The following EAF2 variants were observed in gnomAD, a reference collection of about 807,000 sequenced individuals.
EAF2 encodes the protein ELL-associated factor 2.
Under a neutral mutation model 29.4 loss-of-function variants are expected in EAF2, and 29 were observed. The ratio of observed to expected loss-of-function variants is 0.99; its 90% CI spans 0.73 to 1.35. The LOEUF (loss-of-function observed/expected upper bound fraction) is 1.35, where lower values mean the gene tolerates loss of function less well. Ranked by LOEUF, EAF2 falls within the 40% of genes most tolerant of loss-of-function variation. EAF2 has a pLI of 0.00. For missense variants in EAF2, 292 were observed against 312.0 expected, an observed-to-expected ratio of 0.94 and a Z score of 0.48; for synonymous variants, 103 against 102.5, an observed-to-expected ratio of 1.00 and a Z score of -0.03.
chr3:121,851,033 A>G (rs1253112283), intron 2 of EAF2, among the ~76,000 whole-genome samples: 2 of 152,180 alleles, frequency 1.3e-5, no homozygotes, highest in African/African-American at 4.8e-5. Context: ...AGTTAAGTAT[A>G]TATAAATAGC....
Position 121,854,729 on chromosome 3 carries a change from C to T in EAF2, c.244C>T (p.Pro82Ser). The change falls in exon 3 of 6, where the codon CCT (proline) becomes TCT (serine). Residue 82 changes from proline to serine, a missense_variant. Physicochemically the swap from Pro to Ser is moderately conservative, Grantham distance 74 (BLOSUM62 -1). Coordinates refer to ENST00000273668, the MANE Select transcript of EAF2 (RefSeq NM_018456.6). ...AACTGTTTTCAAAGGTTCAAAAAAA[C>T]CTTACTTAAAAGAATGCATTTTGAT... ...PVTVFKGSKKPYLKECILIIN... is the reference protein window; with the variant it reads ...PVTVFKGSKKSYLKECILIIN... 6.4e-7 allele frequency: 1 copy of T among 1,562,330 alleles called. No homozygotes were observed. The highest frequency in any genetic ancestry group is 8.6e-7 in the Non-Finnish European group (1 of 1,165,642).
chr3:121,870,311 A>C lies in EAF2; in HGVS notation c.485-2226A>C, dbSNP rs1708989792. ...ATTAGCAAATTGAATCCAACATTGT[A>C]TAACAATAATTATGCAACATGAACA... On this transcript the variant is annotated intron_variant, in intron 4 of 5. Coordinates refer to ENST00000273668, the MANE Select transcript of EAF2 (RefSeq NM_018456.6). 2.0e-5 allele frequency among the ~76,000 whole-genome samples: 3 copies of C among 152,220 alleles called. No homozygotes were observed. In the South Asian group the frequency reaches 6.2e-4, roughly 31 times the overall value.
intron 1 of EAF2, among the ~76,000 whole-genome samples, chr3:121,842,935 C>T (rs1054049795): frequency 6.6e-6 from 1 of 152,102 alleles, no homozygotes; most frequent in African/African-American, 2.4e-5. Context: ...GTTATACTTT[C>T]TAGGGATATA....
chr3:121,841,718 TA>T (rs966674348), intron 1 of EAF2, among the ~76,000 whole-genome samples: 1 of 147,394 alleles, frequency 6.8e-6, no homozygotes, highest in Admixed American at 6.7e-5. Context: ...ACTAAAAATA[TA>T]AAAAATAAGG....
intron 5 of EAF2, among the ~76,000 whole-genome samples, chr3:121,877,867 G>A (rs1709127919): frequency 6.6e-6 from 1 of 151,880 alleles, no homozygotes; most frequent in Non-Finnish European, 1.5e-5. Flanking sequence ...CTACAGCCTC[G>A]AACTCAGGGG....
chr3:121,874,451 T>C (rs571922665), intron 5 of EAF2, among the ~76,000 whole-genome samples: 1 of 151,820 alleles, frequency 6.6e-6, no homozygotes, highest in Non-Finnish European at 1.5e-5. Flanking sequence ...GAGTAAAAGC[T>C]AGAAAAAATT....
chr3:121,854,330 A>AAAT (rs1009579032), intron 2 of EAF2, among the ~76,000 whole-genome samples: 2 of 151,526 alleles, frequency 1.3e-5, no homozygotes, highest in African/African-American at 2.4e-5. Context: ...AAAAAAAAAA[A>AAAT]AAAAGGAGGA....
chr3:121,874,027 G>T (rs369592020), intron 5 of EAF2, among the ~76,000 whole-genome samples: 4 of 151,896 alleles, frequency 2.6e-5, no homozygotes, highest in East Asian at 1.9e-4. Flanking sequence ...CAAGGACCTT[G>T]TTTGTTTTTG....
chr3:121,851,723 T>G (rs1387179702), intron 2 of EAF2, among the ~76,000 whole-genome samples: 1 of 151,024 alleles, frequency 6.6e-6, no homozygotes, highest in Admixed American at 6.6e-5. Context: ...CGATTAGATT[T>G]GCCTGCTCAC....
chr3:121,842,948 G>A (rs1708461262), intron 1 of EAF2, among the ~76,000 whole-genome samples: 1 of 151,968 alleles, frequency 6.6e-6, no homozygotes, highest in African/African-American at 2.4e-5. Context: ...GGGATATACT[G>A]TAAATCAAAA....
At chr3:121,871,169 T>A (rs1428007202) in intron 4 of EAF2, among the ~76,000 whole-genome samples, 1 of 151,354 alleles carries the variant, frequency 6.6e-6, no homozygotes, top group Non-Finnish European at 1.5e-5. Context: ...GTGGTATATT[T>A]ATATAATATA....
At chr3:121,840,255 G>A (rs1214924978) in intron 1 of EAF2, among the ~76,000 whole-genome samples, 3 of 149,960 alleles carry the variant, frequency 2.0e-5, no homozygotes, top group African/African-American at 7.4e-5. Context: ...CACTTTCGGA[G>A]GCTGAGGCGG....
chr3:121,869,496 A>T lies in EAF2; in HGVS notation c.485-3041A>T, dbSNP rs537548766. 5.3e-5 allele frequency among the ~76,000 whole-genome samples: 8 copies of T among 152,336 alleles called. No individual in the cohort carries two copies. The South Asian group carries it at 1.4e-3, about 28-fold the overall frequency. On this transcript the variant is annotated intron_variant, in intron 4 of 5. Coordinates refer to ENST00000273668, the MANE Select transcript of EAF2 (RefSeq NM_018456.6). ...GAAAAGACAGAAGGCACAAATTACG[A>T]ATATCAGGAATGTAAAGTACAACTT... is the stretch of plus-strand genomic sequence containing the variant.
rs1439391291 is a variant in EAF2 at position 121,872,552 on chromosome 3, C to T, written c.500C>T (p.Ala167Val). The stretch of plus-strand genomic sequence containing the variant: ...TTATTTTCAGAACTGAAGGCAGAAG[C>T]TAGTCTAATGGACCAGATGAGTAGT... Reference protein sequence around the residue: ...DDIERELKAEASLMDQMSSCD... With the variant: ...DDIERELKAEVSLMDQMSSCD... The change falls in exon 5 of 6, where the codon GCT becomes GTT. Residue 167 changes from alanine to valine, a missense_variant. Coordinates refer to ENST00000273668, the MANE Select transcript of EAF2 (RefSeq NM_018456.6). 3.1e-6 allele frequency: 5 copies of T among 1,603,460 alleles called. No homozygotes were observed. Among genetic ancestry groups the T allele is most frequent in the Non-Finnish European group, 4.3e-6 (5 of 1,173,496 alleles).
chr3:121,857,171 T>C lies in EAF2; in HGVS notation c.484+15T>C. 1 of 1,601,032 alleles carries C rather than the reference T, an allele frequency of 6.2e-7. No individual in the cohort carries two copies. The highest frequency in any genetic ancestry group is 8.5e-7 in the Non-Finnish European group (1 of 1,172,902). ...TATCGAAAGAGGTAAAATCTAAGTATATGTAACATCCCTTTATAAGAGATA... is the reference window on the plus strand; with the variant it reads ...TATCGAAAGAGGTAAAATCTAAGTACATGTAACATCCCTTTATAAGAGATA... On this transcript the variant is annotated intron_variant, in intron 4 of 5. Coordinates refer to ENST00000273668, the MANE Select transcript of EAF2 (RefSeq NM_018456.6).
intron 4 of EAF2, among the ~76,000 whole-genome samples, chr3:121,867,978 A>G (rs1321586204): frequency 6.6e-6 from 1 of 152,230 alleles, no homozygotes; most frequent in Non-Finnish European, 1.5e-5. Flanking sequence ...GGCATTCTAA[A>G]ATGTTTCAAG....
intron 2 of EAF2, among the ~76,000 whole-genome samples, chr3:121,845,781 A>C (rs1708519926): frequency 7.6e-6 from 1 of 132,248 alleles, no homozygotes; most frequent in South Asian, 2.2e-4. Context: ...AAAAAGAAAG[A>C]GACTGTCAGG....
intron 2 of EAF2, among the ~76,000 whole-genome samples, chr3:121,847,649 G>A (rs1708551984): frequency 6.6e-6 from 1 of 152,006 alleles, no homozygotes; most frequent in Non-Finnish European, 1.5e-5. Flanking sequence ...GGGGAGAGGG[G>A]GGGAGGAAGT....
chr3:121,871,977 T>C (rs1377491018), intron 4 of EAF2, among the ~76,000 whole-genome samples: 1 of 151,872 alleles, frequency 6.6e-6, no homozygotes, highest in East Asian at 1.9e-4. Flanking sequence ...AAAGAAGACA[T>C]CATTATTATT....
Sources: allele counts gnomAD v4.1 joint callset (sites outside exome capture counted in the v4.1 genomes callset), GRCh38; gene constraint gnomAD v4.1.1; transcripts MANE v1.5; gene names NCBI Gene and HGNC (gene_info 2026-07-23, HGNC 2026-07-21).